Variants in ITPR1 observed in about 807,000 individuals in gnomAD.
The protein encoded by ITPR1 is inositol 1,4,5-trisphosphate receptor type 1.
In ITPR1, 96 loss-of-function variants were observed where a neutral mutation model predicts 318.4. That is an observed-to-expected ratio of 0.30 (90% CI 0.26 to 0.36). The LOEUF (loss-of-function observed/expected upper bound fraction) is 0.36. ITPR1 is among the 10% of genes least tolerant of loss of function. The pLI is 1.00. For synonymous variants in ITPR1, 1,312 were observed against 1,289.9 expected, an observed-to-expected ratio of 1.02 and a Z score of -0.37; for missense variants, 2,440 against 3,460.2, an observed-to-expected ratio of 0.71 and a Z score of 7.40.
chr3:4,833,085 A>C (rs1473611387), intron 60 of ITPR1, among the ~76,000 whole-genome samples: 1 of 152,254 alleles, frequency 6.6e-6, no homozygotes, highest in Non-Finnish European at 1.5e-5. Flanking sequence ...TTAGATCCTC[A>C]GCGCTCAACC....
chr3:4,633,195 C>T (rs184487286), intron 5 of ITPR1, among the ~76,000 whole-genome samples: 275 of 152,220 alleles, frequency 1.8e-3, no homozygotes, highest in Non-Finnish European at 3.1e-3. Flanking sequence ...CTTGGCCTGC[C>T]AAAGTGCTGA....
chr3:4,832,834 C>T (rs760574409), intron 60 of ITPR1, among the ~76,000 whole-genome samples: 11 of 152,186 alleles, frequency 7.2e-5, no homozygotes, highest in Non-Finnish European at 1.3e-4. Flanking sequence ...CAGCACAAGA[C>T]GCAGGGCATC....
At chr3:4,679,561 C>A (rs927490202) in intron 24 of ITPR1, among the ~76,000 whole-genome samples, 3 of 152,160 alleles carry the variant, frequency 2.0e-5, no homozygotes, top group African/African-American at 7.2e-5. Context: ...CTATCCAGGC[C>A]CTCCGTGGAT....
At chr3:4,756,701 C>A (rs897264705) in intron 44 of ITPR1, among the ~76,000 whole-genome samples, 1 of 152,082 alleles carries the variant, frequency 6.6e-6, no homozygotes. Flanking sequence ...AAAAAAAATT[C>A]TACATTGTGA....
chr3:4,797,646 C>A (rs1278157036), intron 53 of ITPR1, among the ~76,000 whole-genome samples: 1 of 152,192 alleles, frequency 6.6e-6, no homozygotes, highest in Admixed American at 6.5e-5. Flanking sequence ...ATGGCTAAAG[C>A]AAATGTAGTA....
intron 32 of ITPR1, among the ~76,000 whole-genome samples, chr3:4,693,263 A>C (rs2094507391): frequency 6.6e-6 from 1 of 152,196 alleles, no homozygotes; most frequent in African/African-American, 2.4e-5. Context: ...CTCTTCCCCT[A>C]ATAGCTTTCT....
At chr3:4,579,838 C>G (rs2089110467) in intron 4 of ITPR1, among the ~76,000 whole-genome samples, 1 of 152,072 alleles carries the variant, frequency 6.6e-6, no homozygotes, top group South Asian at 2.1e-4. Flanking sequence ...GTTCCATCCC[C>G]CAAAGATTCC....
intron 12 of ITPR1, among the ~76,000 whole-genome samples, chr3:4,655,681 T>C (rs1006981381): frequency 6.6e-6 from 1 of 152,152 alleles, no homozygotes; most frequent in South Asian, 2.1e-4. Flanking sequence ...CATCTCAGGC[T>C]CCCTCAGAGT....
intron 60 of ITPR1, among the ~76,000 whole-genome samples, chr3:4,824,833 G>A (rs1279150570): frequency 6.6e-6 from 1 of 152,174 alleles, no homozygotes; most frequent in Non-Finnish European, 1.5e-5. Context: ...TGTTGAGACG[G>A]TAGGAGTTCA....
intron 59 of ITPR1, among the ~76,000 whole-genome samples, chr3:4,815,756 T>C (rs1423906568): frequency 6.6e-6 from 1 of 152,164 alleles, no homozygotes; most frequent in African/African-American, 2.4e-5. Flanking sequence ...GGATTATTCA[T>C]AATATAGCTA....
chr3:4,818,948 A>T (rs1356736563), intron 60 of ITPR1, among the ~76,000 whole-genome samples: 3 of 152,074 alleles, frequency 2.0e-5, no homozygotes, highest in Non-Finnish European at 4.4e-5. Flanking sequence ...TCAGGGGTGG[A>T]TAGTGGCGTG....
At chr3:4,820,270 A>C (rs1358870882) in intron 60 of ITPR1, among the ~76,000 whole-genome samples, 1 of 152,224 alleles carries the variant, frequency 6.6e-6, no homozygotes. Flanking sequence ...CTTAATGTCT[A>C]GAGGAGGCCT....
At chr3:4,697,410 G>A (rs1369441351) in intron 34 of ITPR1, 138 bp downstream of exon 34, 5 of 668,246 alleles carry the variant, frequency 7.5e-6, no homozygotes, top group Non-Finnish European at 1.1e-5. Context: ...CTAATCCGTG[G>A]CATGAGGAGG....
At chr3:4,504,324 G>T (rs755733890) in intron 2 of ITPR1, among the ~76,000 whole-genome samples, 3 of 152,280 alleles carry the variant, frequency 2.0e-5, no homozygotes, top group Non-Finnish European at 1.5e-5. Context: ...TGGAGAATGA[G>T]CAACGTTGTA....
chr3:4,640,563 A>G (rs2093314223), intron 6 of ITPR1, among the ~76,000 whole-genome samples: 1 of 152,244 alleles, frequency 6.6e-6, no homozygotes, highest in African/African-American at 2.4e-5. Context: ...TGATTTGGTT[A>G]GATTGGAGAA....
At chr3:4,734,142 G>A (rs1272156915) in intron 43 of ITPR1, among the ~76,000 whole-genome samples, 1 of 152,256 alleles carries the variant, frequency 6.6e-6, no homozygotes, top group Non-Finnish European at 1.5e-5. Flanking sequence ...GCTGGCTTCA[G>A]TGAAGATGCA....
rs373656956 is a variant in ITPR1, at chr3:4,773,622, G to T, written c.5980-1620G>T. On this transcript the variant is annotated intron_variant, in intron 46 of 61. Coordinates refer to ENST00000649015, the MANE Select transcript of ITPR1 (RefSeq NM_001378452.1). ...CAGGAGAGCCTTGCTGTGAATTTCAGCCATGGACAGCCAGGACCTCTCCAG... is the reference window on the plus strand; with the variant it reads ...CAGGAGAGCCTTGCTGTGAATTTCATCCATGGACAGCCAGGACCTCTCCAG... 3.0e-4 allele frequency among the ~76,000 whole-genome samples: 45 copies of T among 152,276 alleles called. 1 individual carries two copies. In the South Asian group the frequency reaches 9.3e-3, roughly 32 times the overall value.
chr3:4,676,473 T>G, intron 23 of ITPR1, 141 bp from the exon 24 acceptor site: 2 of 610,474 alleles, frequency 3.3e-6, no homozygotes, highest in Non-Finnish European at 5.5e-6. Context: ...CATTTACCTT[T>G]CCAGGTTTCC....
intron 55 of ITPR1, among the ~76,000 whole-genome samples, chr3:4,806,958 A>T (rs2106479318): frequency 6.6e-6 from 1 of 152,288 alleles, no homozygotes; most frequent in South Asian, 2.1e-4. Context: ...ACATAAAATG[A>T]CAGGAAGCAT....
Sources: allele counts gnomAD v4.1 joint callset (sites outside exome capture counted in the v4.1 genomes callset), GRCh38; gene constraint gnomAD v4.1.1; transcripts MANE v1.5; gene names NCBI Gene and HGNC (gene_info 2026-07-23, HGNC 2026-07-21).